The following PAPPA variants were observed in gnomAD, a reference collection of about 807,000 sequenced individuals.
PAPPA encodes the protein pappalysin-1.
Under a neutral mutation model 164.0 loss-of-function variants are expected in PAPPA, and 60 were observed. The ratio of observed to expected loss-of-function variants is 0.37; its 90% CI spans 0.30 to 0.45. The LOEUF is 0.45. Among genes scored for constraint, PAPPA ranks in the 20% least tolerant of loss-of-function variants. PAPPA has a pLI of 1.00. For missense variants in PAPPA, 1,782 were observed against 2,087.3 expected (o/e 0.85, Z 2.85); for synonymous variants, 875 against 814.1 (o/e 1.07, Z -1.27).
intron 2 of PAPPA, among the ~76,000 whole-genome samples, chr9:116,191,452 CT>C (rs1382195418): frequency 3.3e-5 from 5 of 152,320 alleles, no homozygotes; most frequent in African/African-American, 1.2e-4. Context: ...ATATTGACTG[CT>C]TCTCTTCTCT....
At chr9:116,191,107 C>T (rs1193956543) in intron 2 of PAPPA, among the ~76,000 whole-genome samples, 4 of 152,222 alleles carry the variant, frequency 2.6e-5, no homozygotes, top group African/African-American at 9.7e-5. Flanking sequence ...GACACATACA[C>T]TTCAAGCTCT....
At chr9:116,182,515 G>A (rs775922109) in intron 1 of PAPPA, among the ~76,000 whole-genome samples, 14 of 152,154 alleles carry the variant, frequency 9.2e-5, no homozygotes, top group African/African-American at 1.9e-4. Flanking sequence ...GCATGGGGTC[G>A]TCAGACAGAC....
chr9:116,321,535 C>T (rs1328886643), intron 10 of PAPPA, among the ~76,000 whole-genome samples: 1 of 152,154 alleles, frequency 6.6e-6, no homozygotes, highest in African/African-American at 2.4e-5. Flanking sequence ...TTCAGGGATG[C>T]ACTATGTAAT....
intron 10 of PAPPA, among the ~76,000 whole-genome samples, chr9:116,303,910 C>A (rs760103164): frequency 4.6e-5 from 7 of 152,222 alleles, no homozygotes; most frequent in Non-Finnish European, 7.3e-5. Context: ...ATTATTTCTT[C>A]ATTCACTTTT....
chr9:116,350,947 C>T (rs1303296908), intron 15 of PAPPA, among the ~76,000 whole-genome samples: 9 of 152,204 alleles, frequency 5.9e-5, no homozygotes, highest in Admixed American at 2.0e-4. Flanking sequence ...AGACACCAAT[C>T]TGCCTTGTGC....
chr9:116,384,810 G>A (rs556967072), intron 21 of PAPPA, among the ~76,000 whole-genome samples: 6 of 152,248 alleles, frequency 3.9e-5, no homozygotes, highest in South Asian at 2.1e-4. Flanking sequence ...ACCTTTGAAC[G>A]TGAATGGACG....
chr9:116,246,247 C>A (rs1268580384), intron 7 of PAPPA, among the ~76,000 whole-genome samples: 5 of 152,060 alleles, frequency 3.3e-5, no homozygotes, highest in Admixed American at 2.6e-4. Flanking sequence ...ACAGATTTTT[C>A]CCCCATTCTA....
intron 3 of PAPPA, among the ~76,000 whole-genome samples, chr9:116,208,977 T>G (rs936708114): frequency 6.6e-6 from 1 of 152,100 alleles, no homozygotes; most frequent in Non-Finnish European, 1.5e-5. Context: ...TTCTTACAAA[T>G]GGGGGAATGC....
intron 4 of PAPPA, among the ~76,000 whole-genome samples, chr9:116,214,294 C>A (rs960828660): frequency 6.6e-6 from 1 of 152,076 alleles, no homozygotes; most frequent in African/African-American, 2.4e-5. Context: ...TTCTTGAGTA[C>A]GTGTGACATG....
intron 13 of PAPPA, among the ~76,000 whole-genome samples, chr9:116,339,611 T>C (rs1820750033): frequency 6.6e-6 from 1 of 152,212 alleles, no homozygotes; most frequent in Non-Finnish European, 1.5e-5. Context: ...CCCTCCATTT[T>C]CTAGTGTGGA....
Position 116,367,786 on chromosome 9 carries a change from G to A in PAPPA, c.4605+32G>A, listed in dbSNP as rs376978162. 3.1e-4 allele frequency: 439 copies of A among 1,415,018 alleles called. 1 individual carries two copies. The highest frequency in any genetic ancestry group is 4.1e-4 in the Non-Finnish European group (411 of 1,001,188). The allele number at this position is 1,415,018 out of a possible 1,614,324, so 87.7% of individuals were successfully genotyped here. A position where few individuals can be genotyped will look rare whatever the true frequency, so the allele number is the denominator to read the frequency against. The stretch of plus-strand genomic sequence containing the variant: ...GACCAGGGACATCTACCCACCTGCA[G>A]CTAAGGGGGAGGGAAATGATATTGT... On this transcript the variant is annotated intron_variant, in intron 19 of 21. Transcript: ENST00000328252.
At chr9:116,378,425 C>T (rs1445506298) in intron 20 of PAPPA, among the ~76,000 whole-genome samples, 1 of 152,190 alleles carries the variant, frequency 6.6e-6, no homozygotes, top group Admixed American at 6.5e-5. Flanking sequence ...GCCCCAAATC[C>T]CTTCCAGGTG....
At chr9:116,367,029 A>G (rs966079810) in intron 18 of PAPPA, among the ~76,000 whole-genome samples, 3 of 152,210 alleles carry the variant, frequency 2.0e-5, no homozygotes, top group African/African-American at 4.8e-5. Context: ...ACGCTGGGTT[A>G]AACTCCGAGA....
intron 10 of PAPPA, among the ~76,000 whole-genome samples, chr9:116,325,288 C>A (rs772847927): frequency 7.2e-5 from 11 of 152,102 alleles, no homozygotes; most frequent in Non-Finnish European, 1.5e-4. Flanking sequence ...GCTCTAAACT[C>A]CCAGACTATC....
intron 10 of PAPPA, among the ~76,000 whole-genome samples, chr9:116,325,562 G>A (rs1298242531): frequency 6.6e-6 from 1 of 152,166 alleles, no homozygotes; most frequent in Non-Finnish European, 1.5e-5. Flanking sequence ...CTGCTAAAAT[G>A]AGTGCCCCCC....
intron 17 of PAPPA, 105 bp downstream of exon 17, chr9:116,353,898 T>G: frequency 1.3e-6 from 1 of 767,010 alleles, no homozygotes; most frequent in Non-Finnish European, 2.1e-6. Context: ...TTGTAATCTC[T>G]GATCCTCATT....
At chr9:116,286,993 A>G (rs2118855078) in intron 9 of PAPPA, 1 of 152,298 alleles carries the variant, frequency 6.6e-6, no homozygotes, top group Admixed American at 6.5e-5. Context: ...TGAGCCCCCA[A>G]GTAGTGCCAA....
intron 10 of PAPPA, among the ~76,000 whole-genome samples, chr9:116,331,010 C>T (rs1845984250): frequency 6.6e-6 from 1 of 152,160 alleles, no homozygotes; most frequent in African/African-American, 2.4e-5. Flanking sequence ...GTGAGAATAT[C>T]TCTGTCATCT....
intron 2 of PAPPA, among the ~76,000 whole-genome samples, chr9:116,193,789 T>C (rs1306628938): frequency 2.0e-5 from 3 of 152,164 alleles, no homozygotes; most frequent in Non-Finnish European, 4.4e-5. Context: ...TTCAATGACA[T>C]TTTGTTACAG....
Sources: gnomAD v4.1 joint callset for allele counts (sites outside exome capture counted in the v4.1 genomes callset) on GRCh38, gnomAD v4.1.1 for gene constraint, MANE v1.5 for transcripts, NCBI Gene and HGNC (gene_info 2026-07-23, HGNC 2026-07-21) for gene names.